SRPK2: variants seen among roughly 807,000 people sequenced by gnomAD.
SRPK2 encodes the protein SRSF protein kinase 2, also known as SFRS protein kinase 2.
SRPK2 carries 21 observed loss-of-function variants against 90.8 expected under a neutral mutation model. The ratio of observed to expected loss-of-function variants is 0.23; its 90% CI spans 0.16 to 0.33. The LOEUF (loss-of-function observed/expected upper bound fraction) is 0.33. Among genes scored for constraint, SRPK2 ranks in the 10% least tolerant of loss-of-function variants. The pLI is 1.00. For synonymous variants in SRPK2, 288 were observed against 311.1 expected (o/e 0.93, Z 0.78); for missense variants, 620 against 869.0 (o/e 0.71, Z 3.60).
chr7:105,164,252 C>A (rs1427483231), intron 6 of SRPK2, among the ~76,000 whole-genome samples: 1 of 152,142 alleles, frequency 6.6e-6, no homozygotes, highest in African/African-American at 2.4e-5. Context: ...ATAACACCTG[C>A]TTATTATGAG....
At chr7:105,153,661 T>A (rs1355040126) in intron 7 of SRPK2, among the ~76,000 whole-genome samples, 2 of 152,084 alleles carry the variant, frequency 1.3e-5, no homozygotes, top group South Asian at 4.1e-4. Flanking sequence ...CTGCTACTGG[T>A]GATAAGCGGT....
At chr7:105,172,080 G>T (rs1200188257) in intron 3 of SRPK2, among the ~76,000 whole-genome samples, 1 of 152,114 alleles carries the variant, frequency 6.6e-6, no homozygotes, top group Non-Finnish European at 1.5e-5. Context: ...TTTTAGTAGA[G>T]ACAGGGTTTT....
At chr7:105,268,775 T>C in intron 2 of SRPK2, 1 of 1,583,624 alleles carries the variant, frequency 6.3e-7, no homozygotes, top group Non-Finnish European at 8.6e-7. Context: ...TGCTACACCA[T>C]TAATTGTTCA....
At chr7:105,294,576 G>C (rs957428955) in intron 2 of SRPK2, among the ~76,000 whole-genome samples, 1 of 151,978 alleles carries the variant, frequency 6.6e-6, no homozygotes, top group Non-Finnish European at 1.5e-5. Flanking sequence ...GTTCAGGCTA[G>C]AGTGCTGTGG....
chr7:105,176,905 G>C (rs1219631257), intron 3 of SRPK2, among the ~76,000 whole-genome samples: 1 of 152,112 alleles, frequency 6.6e-6, no homozygotes, highest in African/African-American at 2.4e-5. Flanking sequence ...AAAGTGCTGG[G>C]ATTACAGGCG....
chr7:105,176,589 ATGTG>A (rs373147650), intron 3 of SRPK2, among the ~76,000 whole-genome samples: 3,620 of 106,910 alleles, frequency 0.034, 134 homozygotes, highest in African/African-American at 0.095. Flanking sequence ...GTATGTATAT[ATGTG>A]TGTGTGTGTG....
At chr7:105,154,207 T>A in intron 7 of SRPK2, among the ~76,000 whole-genome samples, 1 of 152,240 alleles carries the variant, frequency 6.6e-6, no homozygotes, top group Non-Finnish European at 1.5e-5. Flanking sequence ...AAGTTAAAGC[T>A]GCTGTGCCCA....
chr7:105,289,714 GAAGTAACACTT>G (rs1563198192), intron 2 of SRPK2, among the ~76,000 whole-genome samples: 1 of 152,142 alleles, frequency 6.6e-6, no homozygotes, highest in Non-Finnish European at 1.5e-5. Flanking sequence ...TGTGTTCACT[GAAGTAACACTT>G]TAAATTTCCG....
In SRPK2 at chr7:105,398,450, C is replaced by A. The variant is rs956850892; in HGVS notation, n.153+706G>T. On this transcript the variant is annotated intron_variant and non_coding_transcript_variant, in intron 1 of 3. Coordinates refer to the SRPK2 transcript ENST00000462282. ...TCAGGCTGGAGTGCAATGGCGCAAC[C>A]TCAGCTCACTGGAACCTCCGCCTCC... Among the ~76,000 whole-genome samples the A allele has an allele frequency of 2.0e-5, 3 of 151,422 alleles. No homozygotes were observed. In the South Asian group the frequency reaches 6.3e-4, roughly 32 times the overall value.
At chr7:105,267,574 A>T (rs1216678994) in intron 2 of SRPK2, among the ~76,000 whole-genome samples, 1 of 152,134 alleles carries the variant, frequency 6.6e-6, no homozygotes, top group African/African-American at 2.4e-5. Flanking sequence ...GCAGTCCTAA[A>T]ATTTTCTACT....
At chr7:105,242,177 T>G (rs1488232078) in intron 2 of SRPK2, among the ~76,000 whole-genome samples, 2 of 152,166 alleles carry the variant, frequency 1.3e-5, no homozygotes, top group African/African-American at 4.8e-5. Flanking sequence ...TAAGTTAATC[T>G]AACATACATC....
At chr7:105,388,362 G>A (rs1451489835) in intron 2 of SRPK2, among the ~76,000 whole-genome samples, 2 of 150,586 alleles carry the variant, frequency 1.3e-5, no homozygotes, top group African/African-American at 4.8e-5. Flanking sequence ...GCCCTGCCCG[G>A]CGCCTTTCCG....
chr7:105,230,018 G>T (rs1351484198), intron 2 of SRPK2, among the ~76,000 whole-genome samples: 1 of 152,234 alleles, frequency 6.6e-6, no homozygotes, highest in Non-Finnish European at 1.5e-5. Context: ...ATTTTAGCCA[G>T]CAGTGGGGAA....
chr7:105,198,083 T>A (rs960345760), intron 3 of SRPK2, among the ~76,000 whole-genome samples: 1 of 152,210 alleles, frequency 6.6e-6, no homozygotes, highest in Admixed American at 6.5e-5. Flanking sequence ...AAGGGTGCCT[T>A]CATGTGGTTA....
chr7:105,194,196 T>C (rs1469637364), intron 3 of SRPK2, among the ~76,000 whole-genome samples: 2 of 152,188 alleles, frequency 1.3e-5, no homozygotes, highest in African/African-American at 4.8e-5. Flanking sequence ...CTCTTACTTT[T>C]TGCTAGAAAC....
intron 2 of SRPK2, among the ~76,000 whole-genome samples, chr7:105,308,183 A>G (rs1434948220): frequency 6.6e-6 from 1 of 152,166 alleles, no homozygotes; most frequent in African/African-American, 2.4e-5. Flanking sequence ...AGTTTGCACT[A>G]AGGGGAATTT....
intron 2 of SRPK2, among the ~76,000 whole-genome samples, chr7:105,312,925 A>ACTC: frequency 6.6e-6 from 1 of 152,324 alleles, no homozygotes; most frequent in African/African-American, 2.4e-5. Context: ...GGCATGAGAT[A>ACTC]CCACACCAGG....
chr7:105,131,628 T>C (rs920878678), intron 13 of SRPK2, among the ~76,000 whole-genome samples: 1 of 152,222 alleles, frequency 6.6e-6, no homozygotes, highest in Non-Finnish European at 1.5e-5. Context: ...CTTTTTCTCC[T>C]ATCAGCTGGC....
chr7:105,199,858 A>G (rs2129609003), intron 3 of SRPK2, among the ~76,000 whole-genome samples: 1 of 151,742 alleles, frequency 6.6e-6, no homozygotes, highest in Non-Finnish European at 1.5e-5. Context: ...AGCACACCTA[A>G]TGCCCAGGTC....
Sources: gnomAD v4.1 joint callset for allele counts (sites outside exome capture counted in the v4.1 genomes callset) on GRCh38, gnomAD v4.1.1 for gene constraint, MANE v1.5 for transcripts, NCBI Gene and HGNC (gene_info 2026-07-23, HGNC 2026-07-21) for gene names.